AGBL1: variants seen among roughly 807,000 people sequenced by gnomAD.
AGBL1 encodes cytosolic carboxypeptidase 4.
In AGBL1, 130 loss-of-function variants were observed where a neutral mutation model predicts 118.9. The ratio of observed to expected loss-of-function variants is 1.09; its 90% CI spans 0.95 to 1.26. The LOEUF (loss-of-function observed/expected upper bound fraction) is 1.26, where lower values mean the gene tolerates loss of function less well. Among genes scored for constraint, AGBL1 ranks in the 50% most tolerant of loss-of-function variants. The pLI is 0.00. For synonymous variants in AGBL1, 555 were observed against 478.9 expected, an observed-to-expected ratio of 1.16 and a Z score of -2.08; for missense variants, 1,584 against 1,298.1, an observed-to-expected ratio of 1.22 and a Z score of -3.38.
chr15:87,006,833 G>T (rs942111324), intron 24 of AGBL1, among the ~76,000 whole-genome samples: 1 of 152,266 alleles, frequency 6.6e-6, no homozygotes, highest in East Asian at 1.9e-4. Context: ...TTGGAGCCAA[G>T]ATTTTAAACC....
chr15:86,353,901 G>A (rs2080670262), intron 17 of AGBL1, among the ~76,000 whole-genome samples: 1 of 152,136 alleles, frequency 6.6e-6, no homozygotes, highest in Non-Finnish European at 1.5e-5. Context: ...GTAGTGGTGT[G>A]GTTATAATAA....
chr15:86,882,450 T>C (rs1467055478), intron 22 of AGBL1, among the ~76,000 whole-genome samples: 1 of 152,032 alleles, frequency 6.6e-6, no homozygotes, highest in Non-Finnish European at 1.5e-5. Flanking sequence ...CAGTAAAAAA[T>C]TGTCTGCCAA....
chr15:86,319,101 T>C (rs1333965429), intron 17 of AGBL1, among the ~76,000 whole-genome samples: 2 of 152,230 alleles, frequency 1.3e-5, no homozygotes, highest in Non-Finnish European at 2.9e-5. Context: ...AATCTACTTT[T>C]GATAACATCC....
At chr15:86,297,337 G>A (rs1422090651) in intron 17 of AGBL1, among the ~76,000 whole-genome samples, 1 of 152,146 alleles carries the variant, frequency 6.6e-6, no homozygotes, top group East Asian at 1.9e-4. Context: ...ACCAGGCTTT[G>A]ACCTAGATGA....
intron 22 of AGBL1, among the ~76,000 whole-genome samples, chr15:86,850,914 CATA>C (rs1325644508): frequency 6.6e-6 from 1 of 152,192 alleles, no homozygotes; most frequent in South Asian, 2.1e-4. Context: ...CTGTGTGAAG[CATA>C]ATATTTTATT....
chr15:87,029,970 G>A (rs1409130165), downstream of AGBL1, among the ~76,000 whole-genome samples: 1 of 151,646 alleles, frequency 6.6e-6, no homozygotes, highest in Non-Finnish European at 1.5e-5. Context: ...GAATAATGAA[G>A]TAAAAGTGAA....
chr15:86,891,717 G>T (rs1226922491), intron 22 of AGBL1, among the ~76,000 whole-genome samples: 1 of 152,028 alleles, frequency 6.6e-6, no homozygotes, highest in Non-Finnish European at 1.5e-5. Flanking sequence ...AAGTGACATG[G>T]GTCATTATGA....
At chr15:86,588,625 A>C (rs1004619603) in intron 21 of AGBL1, among the ~76,000 whole-genome samples, 3 of 152,258 alleles carry the variant, frequency 2.0e-5, no homozygotes, top group Non-Finnish European at 4.4e-5. Context: ...CAACCCCTGG[A>C]GTGTGTGTCA....
Position 86,956,598 on chromosome 15 carries a change from C to T in AGBL1, c.3222-31389C>T, listed in dbSNP as rs184873193. ...GCTCTTCAACAGATCAGATGCGGTC[C>T]ATCCATGTCATGGAGAGTGATCTGT... On this transcript the variant is annotated intron_variant, in intron 23 of 24. Transcript: ENST00000441037. 8.9e-4 allele frequency among the ~76,000 whole-genome samples: 135 copies of T among 152,272 alleles called. 1 individual carries two copies. The highest frequency in any genetic ancestry group is 3.1e-3 in the African/African-American group (129 of 41,584).
At chr15:86,515,630 G>A (rs1427390930) in intron 18 of AGBL1, among the ~76,000 whole-genome samples, 1 of 152,150 alleles carries the variant, frequency 6.6e-6, no homozygotes, top group East Asian at 1.9e-4. Context: ...ACTAAATAAT[G>A]TTATGTTGTT....
At chr15:86,782,536 G>A (rs2078349823) in intron 22 of AGBL1, among the ~76,000 whole-genome samples, 1 of 152,160 alleles carries the variant, frequency 6.6e-6, no homozygotes, top group Admixed American at 6.5e-5. Flanking sequence ...TCCTACTTTT[G>A]TGTGCGTTCT....
intron 5 of AGBL1, among the ~76,000 whole-genome samples, chr15:86,214,586 A>G (rs2078154412): frequency 6.6e-6 from 1 of 151,870 alleles, no homozygotes; most frequent in Non-Finnish European, 1.5e-5. Flanking sequence ...GTAGAAAGAG[A>G]CTCTCTTGTT....
intron 24 of AGBL1, among the ~76,000 whole-genome samples, chr15:87,026,730 C>T (rs2081730857): frequency 6.6e-6 from 1 of 151,928 alleles, no homozygotes; most frequent in Admixed American, 6.6e-5. Flanking sequence ...AAATGTGGAC[C>T]CAACTCAAAT....
chr15:86,601,055 G>A (rs188194404), intron 21 of AGBL1, among the ~76,000 whole-genome samples: 1 of 152,078 alleles, frequency 6.6e-6, no homozygotes, highest in African/African-American at 2.4e-5. Context: ...CCCTAGGATT[G>A]GTGGTAACTG....
At chr15:86,330,702 G>C (rs963976953) in intron 17 of AGBL1, among the ~76,000 whole-genome samples, 3 of 151,904 alleles carry the variant, frequency 2.0e-5, no homozygotes, top group African/African-American at 7.3e-5. Context: ...TGAAATCCAA[G>C]GCAAGGATGA....
chr15:86,639,169 C>T (rs1401483777), intron 21 of AGBL1, among the ~76,000 whole-genome samples: 1 of 152,122 alleles, frequency 6.6e-6, no homozygotes, highest in Non-Finnish European at 1.5e-5. Context: ...TGGTTAGAAG[C>T]CAGTCACTAG....
At chr15:86,186,839 C>T (rs1240050851) in intron 5 of AGBL1, among the ~76,000 whole-genome samples, 1 of 152,144 alleles carries the variant, frequency 6.6e-6, no homozygotes, top group Non-Finnish European at 1.5e-5. Flanking sequence ...AATGAGGAAA[C>T]AGAGCCTGAG....
At chr15:86,410,948 T>G (rs147155046) in intron 18 of AGBL1, among the ~76,000 whole-genome samples, 3,468 of 128,552 alleles carry the variant, frequency 0.027, 131 homozygotes, top group African/African-American at 0.075. Flanking sequence ...ATTATATATA[T>G]ATAGAGAGAG....
intron 22 of AGBL1, among the ~76,000 whole-genome samples, chr15:86,746,077 C>T (rs1158761105): frequency 6.6e-6 from 1 of 152,022 alleles, no homozygotes; most frequent in Non-Finnish European, 1.5e-5. Flanking sequence ...GTACTTCATC[C>T]CAGTAAGGGC....
Sources: gnomAD v4.1 joint callset for allele counts (sites outside exome capture counted in the v4.1 genomes callset) on GRCh38, gnomAD v4.1.1 for gene constraint, MANE v1.5 for transcripts, NCBI Gene and HGNC (gene_info 2026-07-23, HGNC 2026-07-21) for gene names.